PDE11A: variants seen among roughly 807,000 people sequenced by gnomAD.
PDE11A encodes phosphodiesterase 11A, also known as dual 3',5'-cyclic-AMP and -GMP phosphodiesterase 11A.
PDE11A carries 100 observed loss-of-function variants against 100.5 expected under a neutral mutation model. The observed-to-expected ratio is 1.00, with a 90% CI of 0.85 to 1.18. PDE11A has a LOEUF of 1.18. Among genes scored for constraint, PDE11A ranks in the 50% most tolerant of loss-of-function variants. PDE11A has a pLI of 0.00. For missense variants in PDE11A, 1,141 were observed against 1,152.6 expected, an observed-to-expected ratio of 0.99 and a Z score of 0.15; for synonymous variants, 381 against 420.8, an observed-to-expected ratio of 0.91 and a Z score of 1.16.
intron 1 of PDE11A, among the ~76,000 whole-genome samples, chr2:178,051,514 C>G (rs1428398031): frequency 6.6e-6 from 1 of 151,978 alleles, no homozygotes; most frequent in Non-Finnish European, 1.5e-5. Context: ...CAATATTAAC[C>G]TTAAATGTAA....
At chr2:177,767,563 T>C (rs1001432104) in intron 10 of PDE11A, among the ~76,000 whole-genome samples, 1 of 152,218 alleles carries the variant, frequency 6.6e-6, no homozygotes, top group Non-Finnish European at 1.5e-5. Context: ...ATAGGATTCC[T>C]AAATAATTGA....
At chr2:177,798,155 T>C (rs2082732094) in intron 9 of PDE11A, among the ~76,000 whole-genome samples, 1 of 152,194 alleles carries the variant, frequency 6.6e-6, no homozygotes, top group South Asian at 2.1e-4. Context: ...CTGCTAGTTG[T>C]CTTTAGAAAT....
At chr2:177,795,496 G>GTC in intron 9 of PDE11A, among the ~76,000 whole-genome samples, 1 of 152,150 alleles carries the variant, frequency 6.6e-6, no homozygotes, top group Middle Eastern at 3.4e-3. Flanking sequence ...TATATGTGAT[G>GTC]TCACACACAC....
At chr2:177,944,350 C>A (rs1046531026) in intron 2 of PDE11A, among the ~76,000 whole-genome samples, 1 of 152,010 alleles carries the variant, frequency 6.6e-6, no homozygotes, top group South Asian at 2.1e-4. Context: ...CAAAATATAA[C>A]CAAAAGAAAG....
chr2:177,903,860 G>A (rs567445954), intron 3 of PDE11A, among the ~76,000 whole-genome samples: 1 of 152,296 alleles, frequency 6.6e-6, no homozygotes, highest in African/African-American at 2.4e-5. Context: ...GGAAATTGGG[G>A]ACTATATTGC....
chr2:177,660,045 T>C (rs1318233214), intron 19 of PDE11A, among the ~76,000 whole-genome samples: 2 of 8,440 alleles, frequency 2.4e-4, no homozygotes, highest in Non-Finnish European at 7.8e-4. Context: ...CTTTCTTTCT[T>C]TCTTTCTTTC....
intron 9 of PDE11A, among the ~76,000 whole-genome samples, chr2:177,795,368 G>A (rs1250816285): frequency 6.6e-6 from 1 of 152,144 alleles, no homozygotes; most frequent in African/African-American, 2.4e-5. Flanking sequence ...TCTGCTCTGG[G>A]CCCAACACCT....
intron 2 of PDE11A, among the ~76,000 whole-genome samples, chr2:178,079,189 G>A (rs1050960890): frequency 2.0e-5 from 3 of 152,210 alleles, no homozygotes; most frequent in African/African-American, 7.2e-5. Flanking sequence ...TGTGCAGGGT[G>A]TGCGGGTTTG....
intron 9 of PDE11A, among the ~76,000 whole-genome samples, chr2:177,803,915 G>T (rs1178829045): frequency 1.3e-5 from 2 of 151,716 alleles, no homozygotes; most frequent in East Asian, 3.9e-4. Flanking sequence ...ACCATATGCA[G>T]AAGAATGAAA....
Position 177,629,167 on chromosome 2 carries a change from G to A in PDE11A, c.*240C>T, listed in dbSNP as rs1438258313. ...CCAGAGCCTTCATTTCAGCCCATGC[G>A]TGTTCATTAGGGAAAAGTGAGGGTC... On this transcript the variant is annotated 3_prime_UTR_variant, in exon 20 of 20. Coordinates refer to ENST00000286063, the MANE Select transcript of PDE11A (RefSeq NM_016953.4). The A allele has an allele frequency of 3.1e-5, 17 of 548,290 alleles. No individual in the cohort carries two copies. The highest frequency in any genetic ancestry group is 5.0e-4 in the Middle Eastern group (1 of 2,000). The allele number at this position is 548,290 out of a possible 1,614,324, so 34.0% of individuals were successfully genotyped here. A position where few individuals can be genotyped will look rare whatever the true frequency, so the allele number is the denominator to read the frequency against.
At position 177,887,972 on chromosome 2, in the gene PDE11A, G is replaced by A. The variant is rs1320723731; in HGVS notation, c.1302+10086C>T. ...CCTGATCACATCATCTGGCTGCTGC[G>A]TCATCCCCAGAACCACCTCCTGGAG... is the stretch of plus-strand genomic sequence containing the variant. On this transcript the variant is annotated intron_variant, in intron 4 of 19. Coordinates refer to ENST00000286063, the MANE Select transcript of PDE11A (RefSeq NM_016953.4). Among the ~76,000 whole-genome samples the A allele has an allele frequency of 2.6e-5, 4 of 151,962 alleles. No homozygotes were observed. In the East Asian group the frequency reaches 5.8e-4, roughly 22 times the overall value.
chr2:177,865,374 T>C (rs962001316), intron 5 of PDE11A, among the ~76,000 whole-genome samples: 7 of 152,168 alleles, frequency 4.6e-5, no homozygotes, highest in African/African-American at 1.4e-4. Context: ...TAAGGATTGA[T>C]AAGCATCAAA....
rs2086094991 is a variant in PDE11A at position 177,997,747 on chromosome 2, T to A, written c.1071+16555A>T. 4.1e-5 allele frequency: 59 copies of A among 1,445,248 alleles called. No individual in the cohort carries two copies. The South Asian group carries it at 6.0e-4, about 15-fold the overall frequency. The allele number at this position is 1,445,248 out of a possible 1,614,324, so 89.5% of individuals were successfully genotyped here. ...AAAACTGTACAACAAACATTCCACA[T>A]AACTGAACTGTAGTTTGGGTTCTTC... On this transcript the variant is annotated intron_variant, in intron 2 of 19. Transcript: ENST00000286063.
chr2:177,966,119 T>C (rs1181415802), intron 2 of PDE11A, among the ~76,000 whole-genome samples: 1 of 152,210 alleles, frequency 6.6e-6, no homozygotes, highest in African/African-American at 2.4e-5. Context: ...TGTGTGGCTA[T>C]TGTGAATGGC....
chr2:177,997,427 A>G lies in PDE11A; in HGVS notation c.1071+16875T>C, dbSNP rs949989409. 5 of 828,368 alleles carry G rather than the reference A, an allele frequency of 6.0e-6. No homozygotes were observed. In the African/African-American group the frequency reaches 8.4e-5, roughly 14 times the overall value. 51.3% of individuals were successfully genotyped at this position (828,368 alleles called of 1,614,324 possible). A position where few individuals can be genotyped will look rare whatever the true frequency, so the allele number is the denominator to read the frequency against. ...CTTTTGCCCAATCTCAACCTTTTAT[A>G]CAGGTTTCCAGGATAGTGTTACTGT... On this transcript the variant is annotated intron_variant, in intron 2 of 19. Coordinates refer to ENST00000286063, the MANE Select transcript of PDE11A (RefSeq NM_016953.4).
At chr2:178,004,916 T>C (rs2086187064) in intron 2 of PDE11A, among the ~76,000 whole-genome samples, 1 of 152,218 alleles carries the variant, frequency 6.6e-6, no homozygotes, top group African/African-American at 2.4e-5. Flanking sequence ...TGATTACAAC[T>C]TAATACTCAT....
At chr2:177,925,771 A>C (rs1361008980) in intron 2 of PDE11A, among the ~76,000 whole-genome samples, 1 of 152,208 alleles carries the variant, frequency 6.6e-6, no homozygotes, top group Non-Finnish European at 1.5e-5. Context: ...TCTTGTATAC[A>C]ATCTTCCCTA....
At chr2:177,740,257 A>C (rs1461401124) in intron 10 of PDE11A, among the ~76,000 whole-genome samples, 1 of 152,224 alleles carries the variant, frequency 6.6e-6, no homozygotes, top group East Asian at 1.9e-4. Context: ...TAACCCACAT[A>C]CAAAGGTCAG....
intron 1 of PDE11A, among the ~76,000 whole-genome samples, chr2:178,066,252 G>C (rs1053396024): frequency 1.3e-5 from 2 of 152,118 alleles, no homozygotes; most frequent in Admixed American, 1.3e-4. Context: ...AGTAGACAAG[G>C]CTGGATTAAG....
Sources: allele counts gnomAD v4.1 joint callset (sites outside exome capture counted in the v4.1 genomes callset), GRCh38; gene constraint gnomAD v4.1.1; transcripts MANE v1.5; gene names NCBI Gene and HGNC (gene_info 2026-07-23, HGNC 2026-07-21).